CDYL: variants seen among roughly 807,000 people sequenced by gnomAD.
CDYL encodes chromodomain Y-like protein.
A neutral mutation model predicts 47.3 loss-of-function variants in CDYL; 8 were observed. That is an observed-to-expected ratio of 0.17 (90% CI 0.10 to 0.31). The LOEUF is 0.31. Among genes scored for constraint, CDYL ranks in the 10% least tolerant of loss-of-function variants. The pLI is 1.00. For missense variants in CDYL, 471 were observed against 701.4 expected (o/e 0.67, Z 3.71); for synonymous variants, 266 against 265.0 (o/e 1.00, Z -0.04).
At chr6:4,898,965 A>C (rs375833169) in intron 2 of CDYL, among the ~76,000 whole-genome samples, 55 of 152,152 alleles carry the variant, frequency 3.6e-4, no homozygotes, top group South Asian at 4.1e-4. Flanking sequence ...GCATGCTCGT[A>C]ATGTATCACT....
rs79553764 is a variant in CDYL, at chr6:4,915,093, A to T, written c.692-20422A>T. 6.8e-3 allele frequency among the ~76,000 whole-genome samples: 1,036 copies of T among 152,356 alleles called. 9 individuals carry two copies. The highest frequency in any genetic ancestry group is 9.6e-3 in the Non-Finnish European group (653 of 68,036). Reference sequence around the variant, plus strand: ...TGTTTAACTCTGTGTTGTTAGGCATAACCACAGTCTACTTTAATGACAGCA... The same window carrying T: ...TGTTTAACTCTGTGTTGTTAGGCATTACCACAGTCTACTTTAATGACAGCA... On this transcript the variant is annotated intron_variant, in intron 2 of 6. Transcript: ENST00000397588.
intron 1 of CDYL, among the ~76,000 whole-genome samples, chr6:4,805,904 C>T (rs952874114): frequency 6.6e-6 from 1 of 152,218 alleles, no homozygotes; most frequent in Non-Finnish European, 1.5e-5. Context: ...TACTAGCTAC[C>T]CATCTGGGCA....
intron 1 of CDYL, among the ~76,000 whole-genome samples, chr6:4,795,850 A>G (rs76102886): frequency 0.015 from 2,321 of 151,984 alleles, 54 homozygotes; most frequent in African/African-American, 0.054. Context: ...TTGAGCTCGT[A>G]TTGTTCTTTC....
At chr6:4,906,851 A>G (rs1386151438) in intron 2 of CDYL, among the ~76,000 whole-genome samples, 1 of 152,210 alleles carries the variant, frequency 6.6e-6, no homozygotes, top group African/African-American at 2.4e-5. Flanking sequence ...AAAGTCTTCC[A>G]CGTGCCATTT....
intron 2 of CDYL, among the ~76,000 whole-genome samples, chr6:4,892,780 AT>A: frequency 6.6e-6 from 1 of 152,196 alleles, no homozygotes; most frequent in African/African-American, 2.4e-5. Flanking sequence ...GCAGGTTCTT[AT>A]TTTGCTCATC....
Position 4,847,998 on chromosome 6 carries a change from A to G in CDYL, c.25-43715A>G, listed in dbSNP as rs742226. ...TTTTGCCCTTGCTTTCACATGTCCC[A>G]TAATTGAAATTAAGAACTGCTGGCA... On this transcript the variant is annotated intron_variant, in intron 1 of 6. Transcript: ENST00000397588. Among the ~76,000 whole-genome samples the G allele has an allele frequency of 7.6e-3, 1,155 of 152,366 alleles. 14 individuals are homozygous for G. The highest frequency in any genetic ancestry group is 0.025 in the African/African-American group (1,052 of 41,582).
chr6:4,798,855 G>T (rs2127438103), intron 1 of CDYL, among the ~76,000 whole-genome samples: 1 of 147,068 alleles, frequency 6.8e-6, no homozygotes, highest in Non-Finnish European at 1.5e-5. Context: ...ACATAAGCTA[G>T]ACTTAACATT....
chr6:4,794,520 G>A (rs977949808), intron 1 of CDYL, among the ~76,000 whole-genome samples: 1 of 152,104 alleles, frequency 6.6e-6, no homozygotes, highest in Non-Finnish European at 1.5e-5. Context: ...AGGCTCCGGG[G>A]TTTGTTTGCT....
intron 3 of CDYL, among the ~76,000 whole-genome samples, chr6:4,757,130 T>C (rs1422032582): frequency 6.6e-6 from 1 of 152,238 alleles, no homozygotes; most frequent in Non-Finnish European, 1.5e-5. Flanking sequence ...TTGTTGGATA[T>C]TTCTGTATTT....
intron 5 of CDYL, among the ~76,000 whole-genome samples, chr6:4,944,608 T>A (rs761301067): frequency 3.3e-5 from 5 of 152,146 alleles, no homozygotes; most frequent in African/African-American, 1.2e-4. Context: ...ATTCAGATCA[T>A]TGATGCACCT....
chr6:4,753,711 C>G lies in CDYL; in HGVS notation c.186+18867C>G, dbSNP rs78852657. On this transcript the variant is annotated intron_variant, in intron 3 of 8. Transcript: ENST00000328908. ...ACAAGGATTTTATGGAGAACCTGAT[C>G]TGATGGATTGCTAGATTCCTCTTTA... Among the ~76,000 whole-genome samples the G allele has an allele frequency of 7.6e-3, 1,159 of 152,286 alleles. 17 individuals carry two copies. Among genetic ancestry groups the G allele is most frequent in the East Asian group, 0.037 (194 of 5,180 alleles).
At chr6:4,909,251 G>T (rs1207506391) in intron 2 of CDYL, among the ~76,000 whole-genome samples, 1 of 152,144 alleles carries the variant, frequency 6.6e-6, no homozygotes, top group African/African-American at 2.4e-5. Context: ...AAACACTAGG[G>T]TAATTACTGA....
chr6:4,901,215 C>T (rs902681858), intron 2 of CDYL, among the ~76,000 whole-genome samples: 1 of 152,002 alleles, frequency 6.6e-6, no homozygotes, highest in African/African-American at 2.4e-5. Flanking sequence ...AGTTCTTGCT[C>T]CTTTTGAACT....
At chr6:4,939,799 C>T (rs918206963) in intron 4 of CDYL, among the ~76,000 whole-genome samples, 1 of 152,190 alleles carries the variant, frequency 6.6e-6, no homozygotes, top group African/African-American at 2.4e-5. Flanking sequence ...AAATACAAAC[C>T]ACCATGCCTC....
chr6:4,900,811 A>ATGCCTGTTTTTCTTTTGGGTGGTT (rs1757019772), intron 2 of CDYL, among the ~76,000 whole-genome samples: 1 of 109,206 alleles, frequency 9.2e-6, no homozygotes, highest in Non-Finnish European at 1.8e-5. Flanking sequence ...ATATATATAT[A>ATGCCTGTTTTTCTTTTGGGTGGTT]TATATATATA....
intron 1 of CDYL, among the ~76,000 whole-genome samples, chr6:4,778,495 T>C (rs1320582333): frequency 6.6e-6 from 1 of 152,238 alleles, no homozygotes; most frequent in African/African-American, 2.4e-5. Flanking sequence ...CATTTTGTAC[T>C]AAGTTTGTGT....
chr6:4,913,984 C>A (rs1249571897), intron 2 of CDYL, among the ~76,000 whole-genome samples: 1 of 152,208 alleles, frequency 6.6e-6, no homozygotes, highest in Non-Finnish European at 1.5e-5. Context: ...CCATGTATGC[C>A]TGAGTCATAG....
intron 3 of CDYL, among the ~76,000 whole-genome samples, chr6:4,765,401 G>A (rs1167377725): frequency 6.6e-6 from 1 of 151,792 alleles, no homozygotes; most frequent in Non-Finnish European, 1.5e-5. Context: ...ATAACATGTG[G>A]CTCAAAGAAG....
At chr6:4,938,792 A>G (rs900790396) in intron 4 of CDYL, among the ~76,000 whole-genome samples, 11 of 152,124 alleles carry the variant, frequency 7.2e-5, no homozygotes, top group African/African-American at 2.4e-4. Flanking sequence ...AGATATTTCT[A>G]TTTCCTTGGT....
Sources: allele counts gnomAD v4.1 joint callset (sites outside exome capture counted in the v4.1 genomes callset), GRCh38; gene constraint gnomAD v4.1.1; transcripts MANE v1.5; gene names NCBI Gene and HGNC (gene_info 2026-07-23, HGNC 2026-07-21).